The following EXT1 variants were observed in gnomAD, a reference collection of about 807,000 sequenced individuals.
EXT1 encodes exostosin glycosyltransferase 1.
In EXT1, 20 loss-of-function variants were observed where a neutral mutation model predicts 82.5. The observed-to-expected ratio is 0.24, with a 90% CI of 0.17 to 0.35. EXT1 has a LOEUF of 0.35. Ranked by LOEUF, EXT1 falls within the 10% of genes least tolerant of loss-of-function variation. The pLI, the probability that EXT1 is intolerant of heterozygous loss-of-function variation, is 1.00. For missense variants in EXT1, 757 were observed against 936.5 expected, an observed-to-expected ratio of 0.81 and a Z score of 2.50; for synonymous variants, 348 against 350.8, an observed-to-expected ratio of 0.99 and a Z score of 0.09.
Position 117,871,116 on chromosome 8 carries a change from GA to G in EXT1, c.963-33916del, listed in dbSNP as rs576661284. Among the ~76,000 whole-genome samples the G allele has an allele frequency of 8.2e-3, 1,245 of 152,300 alleles. 10 individuals are homozygous for G. Among genetic ancestry groups the G allele is most frequent in the Non-Finnish European group, 0.013 (898 of 68,022 alleles). On this transcript the variant is annotated intron_variant, in intron 1 of 10. Coordinates refer to ENST00000378204, the MANE Select transcript of EXT1 (RefSeq NM_000127.3). ...TCCTATGCATTGCCTGCATCTTACAGAAGTATTTAAAAGCCTTCCCTAATCT... is the reference window on the plus strand; with the variant it reads ...TCCTATGCATTGCCTGCATCTTACAGAGTATTTAAAAGCCTTCCCTAATCT...
chr8:117,828,249 A>G (rs1326312426), intron 4 of EXT1, among the ~76,000 whole-genome samples: 1 of 152,156 alleles, frequency 6.6e-6, no homozygotes, highest in African/African-American at 2.4e-5. Flanking sequence ...AGTGTTTTCT[A>G]TTAGTTTCTA....
intron 3 of EXT1, among the ~76,000 whole-genome samples, chr8:117,832,815 G>A (rs1218669445): frequency 6.6e-6 from 1 of 152,188 alleles, no homozygotes; most frequent in Non-Finnish European, 1.5e-5. Context: ...AATGGCACTT[G>A]GCTATTGGTT....
intron 1 of EXT1, among the ~76,000 whole-genome samples, chr8:118,074,837 G>GA (rs960254803): frequency 7.9e-5 from 12 of 151,942 alleles, no homozygotes; most frequent in Middle Eastern, 3.4e-3. Context: ...TGCAAAACGA[G>GA]AAAAAAAAGA....
chr8:117,827,623 T>C (rs1812027533), intron 4 of EXT1, among the ~76,000 whole-genome samples: 1 of 151,728 alleles, frequency 6.6e-6, no homozygotes, highest in Admixed American at 6.6e-5. Flanking sequence ...GAGAGCAGCC[T>C]GGCCAACATG....
intron 1 of EXT1, among the ~76,000 whole-genome samples, chr8:117,973,372 C>G (rs1441525947): frequency 2.0e-5 from 3 of 152,166 alleles, no homozygotes; most frequent in African/African-American, 7.2e-5. Context: ...AATATATAAT[C>G]TGTGTGAACA....
chr8:117,841,495 T>C (rs1211872343), intron 1 of EXT1, among the ~76,000 whole-genome samples: 1 of 152,166 alleles, frequency 6.6e-6, no homozygotes, highest in East Asian at 1.9e-4. Context: ...TGTTTAGAAA[T>C]GTGAATCACA....
intron 1 of EXT1, among the ~76,000 whole-genome samples, chr8:117,916,424 C>T (rs1813755211): frequency 6.6e-6 from 1 of 152,138 alleles, no homozygotes; most frequent in South Asian, 2.1e-4. Context: ...TCCAGAAAAC[C>T]CAGCAAGACC....
At chr8:117,970,232 G>C (rs1482883647) in intron 1 of EXT1, among the ~76,000 whole-genome samples, 1 of 151,916 alleles carries the variant, frequency 6.6e-6, no homozygotes, top group African/African-American at 2.4e-5. Flanking sequence ...GACTCTCCCA[G>C]AGAACCTACA....
intron 1 of EXT1, 72 bp from the exon 2 acceptor site, chr8:117,837,273 C>G: frequency 1.6e-6 from 2 of 1,250,858 alleles, no homozygotes; most frequent in Non-Finnish European, 1.2e-6. Flanking sequence ...CATAGGTGGG[C>G]GCCCATGTGC....
chr8:118,034,452 C>T (rs563006655), intron 1 of EXT1, among the ~76,000 whole-genome samples: 1 of 152,218 alleles, frequency 6.6e-6, no homozygotes, highest in East Asian at 1.9e-4. Flanking sequence ...CTGTTAAAGG[C>T]TGACAACATC....
At chr8:117,861,488 CT>C (rs755653091) in intron 1 of EXT1, among the ~76,000 whole-genome samples, 5,319 of 86,748 alleles carry the variant, frequency 0.061, 108 homozygotes, top group East Asian at 0.11. Context: ...AAGTTTTTAT[CT>C]TTTTTTTTTT....
rs189154852 is a variant in EXT1, at chr8:117,841,688, C to T, written c.963-4487G>A. 6.4e-4 allele frequency among the ~76,000 whole-genome samples: 98 copies of T among 152,218 alleles called. 1 individual carries two copies. In the South Asian group the frequency reaches 0.017, roughly 26 times the overall value. On this transcript the variant is annotated intron_variant, in intron 1 of 10. Transcript: ENST00000378204. ...CAAAAGGTAGAAGAATTTTCACAAACGACTACAAAGAAAAATGCAATAAAA... is the reference window on the plus strand; with the variant it reads ...CAAAAGGTAGAAGAATTTTCACAAATGACTACAAAGAAAAATGCAATAAAA...
Position 117,799,611 on chromosome 8 carries a change from G to A in EXT1, c.*101C>T. 7.4e-7 allele frequency: 1 copy of A among 1,346,008 alleles called. No homozygotes were observed. The highest frequency in any genetic ancestry group is 1.1e-6 in the Non-Finnish European group (1 of 945,768). The allele number at this position is 1,346,008 out of a possible 1,614,324, so 83.4% of individuals were successfully genotyped here. On this transcript the variant is annotated 3_prime_UTR_variant, in exon 11 of 11. Transcript: ENST00000378204. The stretch of plus-strand genomic sequence containing the variant: ...TGCTCATCTAAGTTTTTGGATAGTT[G>A]GCACAATCTGGCTCTGCTGATGAGT...
intron 1 of EXT1, among the ~76,000 whole-genome samples, chr8:118,010,684 G>A (rs534037276): frequency 4.9e-4 from 75 of 152,298 alleles, no homozygotes; most frequent in African/African-American, 1.8e-3. Context: ...GAGGCTCCCA[G>A]TACCCTGGGC....
intron 1 of EXT1, among the ~76,000 whole-genome samples, chr8:118,017,103 G>A (rs1049151827): frequency 6.6e-6 from 1 of 152,130 alleles, no homozygotes; most frequent in Admixed American, 6.5e-5. Flanking sequence ...CATTTATAAA[G>A]ATAAGATGTC....
chr8:117,820,951 AAAC>A (rs1811913569), intron 5 of EXT1, among the ~76,000 whole-genome samples: 1 of 152,198 alleles, frequency 6.6e-6, no homozygotes. Flanking sequence ...TAGATATGCA[AAAC>A]AACCACTGTC....
chr8:117,896,524 T>A (rs759819311), intron 1 of EXT1, among the ~76,000 whole-genome samples: 3 of 152,112 alleles, frequency 2.0e-5, no homozygotes, highest in Non-Finnish European at 4.4e-5. Flanking sequence ...CCCAAGGCCA[T>A]TAATCCTACA....
At chr8:117,999,798 A>G (rs1053479310) in intron 1 of EXT1, among the ~76,000 whole-genome samples, 2 of 152,166 alleles carry the variant, frequency 1.3e-5, no homozygotes, top group Non-Finnish European at 2.9e-5. Context: ...TTCTTTTTAC[A>G]CCTAGAAAGA....
At chr8:117,890,881 A>G (rs567110724) in intron 1 of EXT1, among the ~76,000 whole-genome samples, 1 of 152,202 alleles carries the variant, frequency 6.6e-6, no homozygotes, top group African/African-American at 2.4e-5. Flanking sequence ...TATCACCGTT[A>G]GCTTGAAAGA....
Sources: allele counts gnomAD v4.1 joint callset (sites outside exome capture counted in the v4.1 genomes callset), GRCh38; gene constraint gnomAD v4.1.1; transcripts MANE v1.5; gene names NCBI Gene and HGNC (gene_info 2026-07-23, HGNC 2026-07-21).